Variants in PAK5 observed in about 807,000 individuals in gnomAD.
PAK5 encodes p21 (RAC1) activated kinase 5.
PAK5 carries 16 observed loss-of-function variants against 65.9 expected under a neutral mutation model. The observed-to-expected ratio is 0.24, with a 90% confidence interval of 0.16 to 0.37. The LOEUF (loss-of-function observed/expected upper bound fraction) is 0.37, where lower values mean the gene tolerates loss of function less well. PAK5 is among the 10% of genes least tolerant of loss of function. The pLI is 1.00. For missense variants in PAK5, 785 were observed against 903.9 expected (o/e 0.87, Z 1.69); for synonymous variants, 371 against 354.9 (o/e 1.05, Z -0.51).
intron 1 of PAK5, among the ~76,000 whole-genome samples, chr20:9,833,645 T>G (rs1195320140): frequency 6.6e-6 from 1 of 152,152 alleles, no homozygotes; most frequent in African/African-American, 2.4e-5. Flanking sequence ...TTTCTTTTAT[T>G]TTTATATGGT....
At chr20:9,612,069 G>T (rs567319048) in intron 3 of PAK5, among the ~76,000 whole-genome samples, 1 of 152,252 alleles carries the variant, frequency 6.6e-6, no homozygotes, top group South Asian at 2.1e-4. Context: ...CTGAGGCACA[G>T]GGTGTCTGGC....
chr20:9,754,727 G>A lies in PAK5; in HGVS notation c.-161-43292C>T, dbSNP rs571910719. On this transcript the variant is annotated intron_variant, in intron 1 of 9. Coordinates refer to ENST00000353224, the MANE Select transcript of PAK5 (RefSeq NM_177990.4). ...GCATTGTTATCATGTTTCTTTCAAA[G>A]TTAGACTATAAACTAAGTTCCTCCC... is the stretch of plus-strand genomic sequence containing the variant. Among the ~76,000 whole-genome samples, 46 of 152,188 alleles carry A rather than the reference G, an allele frequency of 3.0e-4. 1 individual carries two copies. The highest frequency in any genetic ancestry group is 5.7e-4 in the Non-Finnish European group (39 of 68,022).
chr20:9,742,181 T>A (rs1189371769), intron 1 of PAK5, among the ~76,000 whole-genome samples: 2 of 152,068 alleles, frequency 1.3e-5, no homozygotes, highest in Non-Finnish European at 1.5e-5. Flanking sequence ...CACCCCAATG[T>A]TACTGTGAAT....
chr20:9,749,934 G>A (rs555287092), intron 1 of PAK5, among the ~76,000 whole-genome samples: 133 of 152,242 alleles, frequency 8.7e-4, no homozygotes, highest in African/African-American at 1.9e-3. Context: ...GATTTTGAGC[G>A]TCACTGCCTT....
intron 4 of PAK5, among the ~76,000 whole-genome samples, chr20:9,573,709 G>A (rs1452944607): frequency 2.0e-5 from 3 of 152,178 alleles, no homozygotes; most frequent in African/African-American, 4.8e-5. Context: ...GTGGCCTTCT[G>A]TTCTGAGGGC....
intron 2 of PAK5, among the ~76,000 whole-genome samples, chr20:9,673,315 C>T: frequency 6.6e-6 from 1 of 152,148 alleles, no homozygotes; most frequent in Middle Eastern, 3.4e-3. Flanking sequence ...AAATCTCTTT[C>T]CTTAAATAAA....
intron 3 of PAK5, among the ~76,000 whole-genome samples, chr20:9,635,089 T>C (rs2046967665): frequency 6.6e-6 from 1 of 152,186 alleles, no homozygotes; most frequent in Non-Finnish European, 1.5e-5. Flanking sequence ...TTATAATTGC[T>C]TTTACTTTGC....
chr20:9,624,413 G>A (rs1254202115), intron 3 of PAK5, among the ~76,000 whole-genome samples: 1 of 152,054 alleles, frequency 6.6e-6, no homozygotes, highest in Non-Finnish European at 1.5e-5. Flanking sequence ...AAAAGGTATG[G>A]ATATGGTGAA....
chr20:9,832,774 T>A (rs896652328), intron 1 of PAK5, among the ~76,000 whole-genome samples: 1 of 152,242 alleles, frequency 6.6e-6, no homozygotes, highest in Non-Finnish European at 1.5e-5. Flanking sequence ...TTAATAGTAA[T>A]AACATTTATT....
chr20:9,613,173 C>A (rs1282818557), intron 3 of PAK5, among the ~76,000 whole-genome samples: 2 of 152,214 alleles, frequency 1.3e-5, no homozygotes, highest in Non-Finnish European at 2.9e-5. Context: ...TTTCCAGTGA[C>A]ACGTAGGAAG....
intron 6 of PAK5, among the ~76,000 whole-genome samples, chr20:9,558,475 C>T (rs758050654): frequency 3.3e-5 from 5 of 152,136 alleles, no homozygotes; most frequent in Non-Finnish European, 7.4e-5. Flanking sequence ...CCCACAGAGT[C>T]AGCACACTGA....
intron 2 of PAK5, among the ~76,000 whole-genome samples, chr20:9,659,691 C>A (rs1403900820): frequency 6.6e-6 from 1 of 152,156 alleles, no homozygotes; most frequent in Non-Finnish European, 1.5e-5. Context: ...TAGTTAAATA[C>A]TACAAAGTTG....
intron 3 of PAK5, among the ~76,000 whole-genome samples, chr20:9,616,945 G>A (rs1000472652): frequency 2.0e-5 from 3 of 152,178 alleles, no homozygotes; most frequent in African/African-American, 7.2e-5. Flanking sequence ...TTTTTCTGGA[G>A]TTGTACAAAA....
intron 6 of PAK5, among the ~76,000 whole-genome samples, chr20:9,560,073 A>G (rs2045569489): frequency 6.6e-6 from 1 of 152,192 alleles, no homozygotes; most frequent in Non-Finnish European, 1.5e-5. Context: ...AGTTATCTGA[A>G]AGAGGTATAA....
At chr20:9,707,988 A>G (rs2048029784) in intron 2 of PAK5, among the ~76,000 whole-genome samples, 1 of 152,216 alleles carries the variant, frequency 6.6e-6, no homozygotes. Context: ...TACAGCAACA[A>G]GTGATACTCT....
intron 1 of PAK5, among the ~76,000 whole-genome samples, chr20:9,733,676 C>T (rs992107847): frequency 6.6e-6 from 1 of 152,108 alleles, no homozygotes; most frequent in East Asian, 1.9e-4. Flanking sequence ...AACTCCCGAC[C>T]TCAAGTGATC....
intron 2 of PAK5, among the ~76,000 whole-genome samples, chr20:9,690,439 T>C (rs2047777498): frequency 6.6e-6 from 1 of 152,144 alleles, no homozygotes; most frequent in Admixed American, 6.6e-5. Flanking sequence ...GGGTAGTTTA[T>C]CTGGGAATTA....
intron 2 of PAK5, among the ~76,000 whole-genome samples, chr20:9,703,511 G>T (rs1476502330): frequency 6.6e-6 from 1 of 152,120 alleles, no homozygotes; most frequent in Non-Finnish European, 1.5e-5. Context: ...TGGGTTAAAA[G>T]GTTGCCAGGT....
chr20:9,578,476 C>T (rs1054378551), intron 4 of PAK5, among the ~76,000 whole-genome samples: 32 of 152,234 alleles, frequency 2.1e-4, no homozygotes, highest in African/African-American at 7.2e-4. Context: ...AATAAGGCTC[C>T]AGGACCAAAA....
Sources: gnomAD v4.1 joint callset for allele counts (sites outside exome capture counted in the v4.1 genomes callset) on GRCh38, gnomAD v4.1.1 for gene constraint, MANE v1.5 for transcripts, NCBI Gene and HGNC (gene_info 2026-07-23, HGNC 2026-07-21) for gene names.